Variants in CTNNA3 observed in about 807,000 individuals in gnomAD.
CTNNA3 encodes the protein catenin alpha 3.
A neutral mutation model predicts 95.7 loss-of-function variants in CTNNA3; 76 were observed. The ratio of observed to expected loss-of-function variants is 0.79; its 90% CI spans 0.66 to 0.96. The LOEUF (loss-of-function observed/expected upper bound fraction) is 0.96, where lower values mean the gene tolerates loss of function less well. Among genes scored for constraint, CTNNA3 ranks in the 40% least tolerant of loss-of-function variants. CTNNA3 has a pLI of 0.00. For synonymous variants in CTNNA3, 431 were observed against 374.4 expected (o/e 1.15, Z -1.74); for missense variants, 1,191 against 1,089.8 (o/e 1.09, Z -1.31).
chr10:66,693,702 T>C (rs529223251), intron 9 of CTNNA3, among the ~76,000 whole-genome samples: 3 of 152,026 alleles, frequency 2.0e-5, no homozygotes, highest in Non-Finnish European at 4.4e-5. Context: ...ATTGACCACA[T>C]AGTTGGAAGT....
chr10:66,599,500 C>T (rs556713374), intron 10 of CTNNA3, among the ~76,000 whole-genome samples: 3 of 151,942 alleles, frequency 2.0e-5, no homozygotes, highest in African/African-American at 7.2e-5. Flanking sequence ...GCTTTTCTAT[C>T]CCAGAACTCC....
chr10:67,262,419 C>A (rs1866656727), intron 5 of CTNNA3, among the ~76,000 whole-genome samples: 1 of 152,070 alleles, frequency 6.6e-6, no homozygotes, highest in African/African-American at 2.4e-5. Flanking sequence ...GGTACTAATG[C>A]AGAGTTTGAA....
At chr10:67,638,515 G>A (rs1839406154) in intron 2 of CTNNA3, among the ~76,000 whole-genome samples, 1 of 152,138 alleles carries the variant, frequency 6.6e-6, no homozygotes, top group Non-Finnish European at 1.5e-5. Context: ...GGACCTAATA[G>A]ACATCTACAG....
chr10:67,427,474 T>C (rs1474550775), intron 5 of CTNNA3, among the ~76,000 whole-genome samples: 1 of 152,038 alleles, frequency 6.6e-6, no homozygotes, highest in Non-Finnish European at 1.5e-5. Flanking sequence ...TATGTCATGT[T>C]TTGGCCCCTT....
chr10:67,716,184 A>G (rs1162984589), intron 1 of CTNNA3, among the ~76,000 whole-genome samples: 3 of 152,228 alleles, frequency 2.0e-5, no homozygotes, highest in Admixed American at 1.3e-4. Context: ...TTTATGCCTC[A>G]GAAGTTATGC....
chr10:66,924,193 G>T (rs1336072272), intron 7 of CTNNA3, among the ~76,000 whole-genome samples: 4 of 152,144 alleles, frequency 2.6e-5, no homozygotes, highest in Admixed American at 2.6e-4. Flanking sequence ...TGCATTCACA[G>T]CTTAGGTAAC....
intron 12 of CTNNA3, among the ~76,000 whole-genome samples, chr10:66,333,665 G>T (rs2092359351): frequency 6.6e-6 from 1 of 151,634 alleles, no homozygotes; most frequent in South Asian, 2.1e-4. Context: ...GGTCAATTTT[G>T]GAATAGGTGT....
At chr10:67,237,126 G>GTATATATATATATA (rs59511861) in intron 5 of CTNNA3, among the ~76,000 whole-genome samples, 1 of 39,846 alleles carries the variant, frequency 2.5e-5, no homozygotes, top group African/African-American at 1.0e-4. Flanking sequence ...TATGGTGTAT[G>GTATATATATATATA]TATATATATA....
chr10:66,853,031 C>T (rs1300754758), intron 7 of CTNNA3, among the ~76,000 whole-genome samples: 2 of 151,930 alleles, frequency 1.3e-5, no homozygotes, highest in Non-Finnish European at 2.9e-5. Context: ...CAAATCTGGC[C>T]TGCCACCTGT....
At chr10:66,430,887 G>C (rs550569966) in intron 11 of CTNNA3, among the ~76,000 whole-genome samples, 2 of 152,238 alleles carry the variant, frequency 1.3e-5, no homozygotes, top group Non-Finnish European at 2.9e-5. Context: ...GGCAACAAGA[G>C]CCAAAATTGA....
At chr10:67,588,537 G>T (rs1271106289) in intron 3 of CTNNA3, among the ~76,000 whole-genome samples, 2 of 151,818 alleles carry the variant, frequency 1.3e-5, no homozygotes, top group Non-Finnish European at 2.9e-5. Flanking sequence ...TTATGGGGGG[G>T]GGACTGGATT....
At chr10:66,955,036 T>C (rs531782364) in intron 7 of CTNNA3, among the ~76,000 whole-genome samples, 1 of 152,280 alleles carries the variant, frequency 6.6e-6, no homozygotes, top group South Asian at 2.1e-4. Flanking sequence ...ATATATAGCA[T>C]TATCAAAGTC....
At chr10:65,976,113 C>T (rs139954174) in intron 16 of CTNNA3, among the ~76,000 whole-genome samples, 17 of 152,120 alleles carry the variant, frequency 1.1e-4, no homozygotes, top group African/African-American at 3.6e-4. Context: ...TGGTAGAGCT[C>T]GTGTTCAAAC....
intron 13 of CTNNA3, among the ~76,000 whole-genome samples, chr10:66,242,758 A>T (rs565160922): frequency 8.5e-5 from 13 of 152,330 alleles, no homozygotes; most frequent in Non-Finnish European, 1.6e-4. Context: ...CTGGCAATTC[A>T]TTACTAACAA....
chr10:66,551,072 T>C (rs1436230667), intron 10 of CTNNA3, among the ~76,000 whole-genome samples: 2 of 152,150 alleles, frequency 1.3e-5, no homozygotes, highest in African/African-American at 2.4e-5. Flanking sequence ...ATATTTACCC[T>C]TTCCAATTGT....
At chr10:67,727,128 A>G (rs1404181738) in intron 1 of CTNNA3, among the ~76,000 whole-genome samples, 6 of 122,876 alleles carry the variant, frequency 4.9e-5, no homozygotes, top group East Asian at 2.3e-4. Context: ...ATATAATTAT[A>G]TAATATATGA....
At chr10:67,568,275 C>T (rs1261020988) in intron 3 of CTNNA3, among the ~76,000 whole-genome samples, 1 of 151,730 alleles carries the variant, frequency 6.6e-6, no homozygotes, top group African/African-American at 2.4e-5. Context: ...GGCTTACCAC[C>T]ATCCATATTA....
rs529887112 is a variant in CTNNA3, at chr10:67,018,070, C to A, written c.1047+162247G>T. Among the ~76,000 whole-genome samples the A allele has an allele frequency of 7.2e-4, 110 of 152,074 alleles. 1 individual carries two copies. The highest frequency in any genetic ancestry group is 2.6e-3 in the African/African-American group (106 of 41,468). ...TACAGGTGTGAGCCACCATGCCTGG[C>A]CTGTGGATATATATTAAACATATAT... On this transcript the variant is annotated intron_variant, in intron 7 of 17. Transcript: ENST00000433211.
At chr10:67,048,469 C>T (rs1752967102) in intron 7 of CTNNA3, among the ~76,000 whole-genome samples, 1 of 151,910 alleles carries the variant, frequency 6.6e-6, no homozygotes, top group South Asian at 2.1e-4. Flanking sequence ...GGTACAAAAG[C>T]AATAATATAT....
Sources: allele counts gnomAD v4.1 joint callset (sites outside exome capture counted in the v4.1 genomes callset), GRCh38; gene constraint gnomAD v4.1.1; transcripts MANE v1.5; gene names NCBI Gene and HGNC (gene_info 2026-07-23, HGNC 2026-07-21).